The following DOCK2 variants were observed in gnomAD, a reference collection of about 807,000 sequenced individuals.
The protein encoded by DOCK2 is dedicator of cytokinesis 2, also known as dedicator of cytokinesis protein 2.
DOCK2 carries 87 observed loss-of-function variants against 248.9 expected under a neutral mutation model. The ratio of observed to expected loss-of-function variants is 0.35; its 90% CI spans 0.29 to 0.42. The LOEUF is 0.42. Among genes scored for constraint, DOCK2 ranks in the 10% least tolerant of loss-of-function variants. The pLI, the probability that DOCK2 is intolerant of heterozygous loss-of-function variation, is 1.00. For synonymous variants in DOCK2, 805 were observed against 821.6 expected (o/e 0.98, Z 0.35); for missense variants, 1,747 against 2,300.2 (o/e 0.76, Z 4.92).
At chr5:169,946,655 G>A (rs1484474688) in intron 27 of DOCK2, among the ~76,000 whole-genome samples, 2 of 152,184 alleles carry the variant, frequency 1.3e-5, no homozygotes, top group African/African-American at 2.4e-5. Context: ...AATAAGATAG[G>A]CCAGTTCCTA....
At chr5:169,802,432 GTC>G (rs1210672907) in intron 25 of DOCK2, among the ~76,000 whole-genome samples, 1 of 152,224 alleles carries the variant, frequency 6.6e-6, no homozygotes, top group African/African-American at 2.4e-5. Flanking sequence ...ATTTTGTACT[GTC>G]TGTACCAGAG....
At chr5:169,973,202 C>A (rs2113768465) in intron 27 of DOCK2, among the ~76,000 whole-genome samples, 1 of 152,304 alleles carries the variant, frequency 6.6e-6, no homozygotes, top group Middle Eastern at 3.4e-3. Context: ...GCCCCCTCCA[C>A]TCCCTTAAAC....
At chr5:169,929,918 C>A (rs1581432980) in intron 27 of DOCK2, among the ~76,000 whole-genome samples, 1 of 152,238 alleles carries the variant, frequency 6.6e-6, no homozygotes, top group South Asian at 2.1e-4. Context: ...TAAACATATG[C>A]ATATTAAACA....
intron 5 of DOCK2, 148 bp from the exon 6 acceptor site, chr5:169,674,149 C>G (rs1759198310): frequency 1.2e-6 from 1 of 825,660 alleles, no homozygotes; most frequent in South Asian, 2.7e-5. Context: ...ACTAGGACCC[C>G]CACCTAATCC....
At chr5:169,890,425 A>C (rs1318410843) in intron 27 of DOCK2, among the ~76,000 whole-genome samples, 1 of 152,212 alleles carries the variant, frequency 6.6e-6, no homozygotes, top group East Asian at 1.9e-4. Context: ...GGTAAGGGTT[A>C]TTCCATACTC....
At chr5:169,972,537 TGAGACA>T (rs1777543325) in intron 27 of DOCK2, among the ~76,000 whole-genome samples, 2 of 134,584 alleles carry the variant, frequency 1.5e-5, no homozygotes, top group African/African-American at 6.0e-5. Flanking sequence ...AGAGCCACTG[TGAGACA>T]GATAGATAGA....
At chr5:169,837,503 C>G (rs372556) in intron 26 of DOCK2, among the ~76,000 whole-genome samples, 70,334 of 151,960 alleles carry the variant, frequency 0.46, 17,066 homozygotes, top group African/African-American at 0.62. Context: ...TACGTGCTGG[C>G]AATCTGCAAG....
At chr5:170,031,375 A>G (rs1311340108) in intron 34 of DOCK2, among the ~76,000 whole-genome samples, 1 of 152,230 alleles carries the variant, frequency 6.6e-6, no homozygotes, top group African/African-American at 2.4e-5. Context: ...TCCAATGCCA[A>G]GTGAAAATCA....
At chr5:169,770,119 T>C (rs1765004086) in intron 25 of DOCK2, among the ~76,000 whole-genome samples, 1 of 151,876 alleles carries the variant, frequency 6.6e-6, no homozygotes, top group Non-Finnish European at 1.5e-5. Flanking sequence ...ATCTTATTAT[T>C]GATCCACACA....
At chr5:169,683,399 T>TC (rs1464882136) in intron 7 of DOCK2, among the ~76,000 whole-genome samples, 4 of 151,326 alleles carry the variant, frequency 2.6e-5, no homozygotes, top group African/African-American at 9.7e-5. Flanking sequence ...CTGGCTAATT[T>TC]TTTTTATTTT....
At chr5:169,882,240 A>G (rs1054169574) in intron 27 of DOCK2, among the ~76,000 whole-genome samples, 2 of 152,196 alleles carry the variant, frequency 1.3e-5, no homozygotes, top group African/African-American at 2.4e-5. Context: ...TTCCCCCATC[A>G]TGTATCAATA....
chr5:169,856,041 C>A (rs888898229), intron 27 of DOCK2, among the ~76,000 whole-genome samples: 3 of 152,078 alleles, frequency 2.0e-5, no homozygotes, highest in African/African-American at 7.2e-5. Flanking sequence ...TCTTATAAAA[C>A]CATCAGATCT....
chr5:170,022,974 A>G (rs1755781114), intron 33 of DOCK2, among the ~76,000 whole-genome samples: 1 of 152,196 alleles, frequency 6.6e-6, no homozygotes, highest in African/African-American at 2.4e-5. Flanking sequence ...GGGGTTGCTA[A>G]TGACTGCTTG....
At chr5:169,789,650 T>C (rs1766203406) in intron 25 of DOCK2, among the ~76,000 whole-genome samples, 1 of 152,224 alleles carries the variant, frequency 6.6e-6, no homozygotes, top group South Asian at 2.1e-4. Flanking sequence ...TCCTCTTATT[T>C]AAATATTGGG....
intron 27 of DOCK2, among the ~76,000 whole-genome samples, chr5:169,906,495 T>C (rs576878787): frequency 2.6e-5 from 4 of 152,314 alleles, no homozygotes; most frequent in African/African-American, 7.2e-5. Context: ...CGTTATGTTA[T>C]GTTATTTCAT....
intron 5 of DOCK2, among the ~76,000 whole-genome samples, chr5:169,671,889 G>C (rs1172715413): frequency 6.6e-6 from 1 of 152,150 alleles, no homozygotes; most frequent in Non-Finnish European, 1.5e-5. Context: ...GATGTAATTG[G>C]CACACTCAAT....
intron 13 of DOCK2, among the ~76,000 whole-genome samples, chr5:169,700,358 TC>T (rs1314637168): frequency 2.6e-5 from 4 of 151,894 alleles, no homozygotes; most frequent in Non-Finnish European, 4.4e-5. Flanking sequence ...ATACCCCTTC[TC>T]CCCACAAATG....
At chr5:169,755,513 C>A (rs1372982466) in intron 23 of DOCK2, among the ~76,000 whole-genome samples, 3 of 152,070 alleles carry the variant, frequency 2.0e-5, no homozygotes, top group Admixed American at 2.0e-4. Flanking sequence ...GAGGCTGAGG[C>A]GGGTGGATCA....
At chr5:169,753,411 T>C (rs1764018008) in intron 23 of DOCK2, among the ~76,000 whole-genome samples, 1 of 151,662 alleles carries the variant, frequency 6.6e-6, no homozygotes, top group South Asian at 2.1e-4. Flanking sequence ...CCTGTGTTCT[T>C]ATTCTTGCTC....
Sources: allele counts gnomAD v4.1 joint callset (sites outside exome capture counted in the v4.1 genomes callset), GRCh38; gene constraint gnomAD v4.1.1; transcripts MANE v1.5; gene names NCBI Gene and HGNC (gene_info 2026-07-23, HGNC 2026-07-21).